The following MAP2K6 variants were observed in gnomAD, a reference collection of about 807,000 sequenced individuals.
The protein encoded by MAP2K6 is mitogen-activated protein kinase kinase 6.
MAP2K6 carries 16 observed loss-of-function variants against 53.7 expected under a neutral mutation model. The observed-to-expected ratio is 0.30, with a 90% CI of 0.20 to 0.45. The LOEUF (loss-of-function observed/expected upper bound fraction) is 0.45. MAP2K6 is among the 20% of genes least tolerant of loss of function. MAP2K6 has a pLI of 1.00. For synonymous variants in MAP2K6, 132 were observed against 143.1 expected, an observed-to-expected ratio of 0.92 and a Z score of 0.55; for missense variants, 204 against 411.9, an observed-to-expected ratio of 0.50 and a Z score of 4.37.
intron 11 of MAP2K6, among the ~76,000 whole-genome samples, chr17:69,540,031 C>G (rs1280144467): frequency 1.3e-5 from 2 of 152,152 alleles, no homozygotes; most frequent in Non-Finnish European, 1.5e-5. Context: ...GAGAAAATCT[C>G]TTTTCCATTT....
chr17:69,484,155 T>C (rs576869575), intron 1 of MAP2K6, among the ~76,000 whole-genome samples: 1 of 152,110 alleles, frequency 6.6e-6, no homozygotes, highest in South Asian at 2.1e-4. Context: ...AAAAGGCAAT[T>C]GACAGAATGG....
chr17:69,511,151 T>C (rs1302738872), intron 2 of MAP2K6, among the ~76,000 whole-genome samples: 1 of 152,142 alleles, frequency 6.6e-6, no homozygotes, highest in African/African-American at 2.4e-5. Flanking sequence ...ATAAAAGCAG[T>C]TTATATTTTC....
At chr17:69,507,428 AC>A (rs1485944101) in intron 2 of MAP2K6, among the ~76,000 whole-genome samples, 2 of 152,140 alleles carry the variant, frequency 1.3e-5, no homozygotes, top group African/African-American at 4.8e-5. Flanking sequence ...AAGATACTTC[AC>A]TACAGCAACA....
rs1912019145 is a variant in MAP2K6 at position 69,549,687 on chromosome 17, C to T, written c.*7934C>T. 1 of 152,104 alleles carries T rather than the reference C, an allele frequency of 6.6e-6. No homozygotes were observed. The highest frequency in any genetic ancestry group is 1.5e-5 in the Non-Finnish European group (1 of 68,006). 9.4% of individuals were successfully genotyped at this position (152,104 alleles called of 1,614,324 possible). ...CATGCGACCTTATAATAAGAACTTCCTTTAAAGATGAGCAGCAAGGTTGGG... is the reference window on the plus strand; with the variant it reads ...CATGCGACCTTATAATAAGAACTTCTTTTAAAGATGAGCAGCAAGGTTGGG... On this transcript the variant is annotated 3_prime_UTR_variant, in exon 12 of 12. Coordinates refer to ENST00000590474, the MANE Select transcript of MAP2K6 (RefSeq NM_002758.4).
intron 1 of MAP2K6, chr17:69,505,569 C>G (rs1909423199): frequency 2.1e-6 from 1 of 466,934 alleles, no homozygotes; most frequent in Admixed American, 3.5e-5. Flanking sequence ...TGAAAAACCT[C>G]ATTCATGACC....
rs1320146933 is a variant in MAP2K6 at position 69,423,621 on chromosome 17, GCCCA to G, written c.16+8623_16+8626del. 2.0e-5 allele frequency among the ~76,000 whole-genome samples: 3 copies of G among 152,166 alleles called. No homozygotes were observed. In the East Asian group the frequency reaches 5.8e-4, roughly 29 times the overall value. Reference sequence around the variant, plus strand: ...CTCAGCCAGAGACCTCTTGGGCCCAGCCCACAGGAAACGTCTGAGTGGTGTCTCT... The same window carrying G: ...CTCAGCCAGAGACCTCTTGGGCCCAGCAGGAAACGTCTGAGTGGTGTCTCT... On this transcript the variant is annotated intron_variant, in intron 1 of 11. Coordinates refer to ENST00000590474, the MANE Select transcript of MAP2K6 (RefSeq NM_002758.4).
At position 69,508,643 on chromosome 17, in the gene MAP2K6, G is replaced by A. The variant is rs183096904; in HGVS notation, c.83+2797G>A. On this transcript the variant is annotated intron_variant, in intron 2 of 11. Transcript: ENST00000590474. ...AGGGTCTTTCACAGAGCAAAAGTTTGTTCAACTTATCAATTATTACTTTTA... is the reference window on the plus strand; with the variant it reads ...AGGGTCTTTCACAGAGCAAAAGTTTATTCAACTTATCAATTATTACTTTTA... Among the ~76,000 whole-genome samples, 305 of 152,298 alleles carry A rather than the reference G, an allele frequency of 2.0e-3. 1 individual carries two copies. Among genetic ancestry groups the A allele is most frequent in the African/African-American group, 7.1e-3 (295 of 41,562 alleles).
intron 9 of MAP2K6, among the ~76,000 whole-genome samples, chr17:69,525,481 T>A (rs1014046860): frequency 1.3e-5 from 2 of 152,160 alleles, no homozygotes; most frequent in Admixed American, 6.5e-5. Flanking sequence ...ACACTGCTGA[T>A]AAAAGCATCC....
At chr17:69,456,616 G>A (rs75939704) in intron 1 of MAP2K6, among the ~76,000 whole-genome samples, 2,518 of 152,162 alleles carry the variant, frequency 0.017, 37 homozygotes, top group Middle Eastern at 0.044. Context: ...TTTCTCAGTG[G>A]GGTCTAGGCA....
rs367834070 is a variant in MAP2K6 at position 69,518,672 on chromosome 17, T to G, written c.247-641T>G. 2.6e-5 allele frequency among the ~76,000 whole-genome samples: 4 copies of G among 152,222 alleles called. No individual in the cohort carries two copies. The East Asian group carries it at 5.8e-4, about 22-fold the overall frequency. The stretch of plus-strand genomic sequence containing the variant: ...AATGGGAATACTTTTATCTTGTAGA[T>G]TTTTCAGTCTGTTCTTCTGCTGACT... On this transcript the variant is annotated intron_variant, in intron 4 of 11. Transcript: ENST00000590474.
chr17:69,449,531 G>GTCTTTCTTTCTTTCTTTCTT (rs1229807133), intron 1 of MAP2K6, among the ~76,000 whole-genome samples: 4 of 103,382 alleles, frequency 3.9e-5, no homozygotes, highest in African/African-American at 1.9e-4. Flanking sequence ...TTCTTTCTTT[G>GTCTTTCTTTCTTTCTTTCTT]TCTTTCTTTC....
intron 1 of MAP2K6, among the ~76,000 whole-genome samples, chr17:69,416,608 ATATG>A (rs1245934473): frequency 2.6e-5 from 4 of 152,176 alleles, no homozygotes; most frequent in African/African-American, 9.6e-5. Context: ...ATATGCATGT[ATATG>A]TATGTATTGT....
intron 1 of MAP2K6, among the ~76,000 whole-genome samples, chr17:69,453,523 T>C (rs771387063): frequency 1.3e-5 from 2 of 152,206 alleles, no homozygotes; most frequent in African/African-American, 2.4e-5. Context: ...GTCAAACACA[T>C]TCATTTTCTT....
chr17:69,469,169 A>G (rs1197043006), intron 1 of MAP2K6, among the ~76,000 whole-genome samples: 3 of 152,166 alleles, frequency 2.0e-5, no homozygotes, highest in East Asian at 1.9e-4. Context: ...GGCCACATGC[A>G]TTCCTTGAGT....
chr17:69,506,405 C>G (rs200940827), intron 2 of MAP2K6, among the ~76,000 whole-genome samples: 130 of 79,178 alleles, frequency 1.6e-3, no homozygotes, highest in South Asian at 3.3e-3. Flanking sequence ...ATGTCTCCTT[C>G]TTGTTTTTTT....
intron 11 of MAP2K6, 112 bp from the exon 12 acceptor site, chr17:69,541,564 G>C: frequency 1.4e-6 from 1 of 716,926 alleles, no homozygotes; most frequent in Non-Finnish European, 2.3e-6. Flanking sequence ...GCCCAGCCTA[G>C]CTCTGATAGG....
rs1911799664 is a variant in MAP2K6, at chr17:69,544,488, C to T, written c.*2735C>T. The T allele has an allele frequency of 6.6e-6, 1 of 152,138 alleles. No homozygotes were observed. Among genetic ancestry groups the T allele is most frequent in the African/African-American group, 2.4e-5 (1 of 41,438 alleles). 9.4% of individuals were successfully genotyped at this position (152,138 alleles called of 1,614,324 possible). A position where few individuals can be genotyped will look rare whatever the true frequency, so the allele number is the denominator to read the frequency against. On this transcript the variant is annotated 3_prime_UTR_variant, in exon 12 of 12. Coordinates refer to ENST00000590474, the MANE Select transcript of MAP2K6 (RefSeq NM_002758.4). ...CATATAGACTTATATATAAAGACAT[C>T]TGTGTTCACGGATGACCCTCAAAAT...
At chr17:69,529,468 TTTAAAATGAACATC>T (rs1285773497) in intron 10 of MAP2K6, among the ~76,000 whole-genome samples, 1 of 152,090 alleles carries the variant, frequency 6.6e-6, no homozygotes, top group East Asian at 1.9e-4. Flanking sequence ...TTAGAGATAT[TTTAAAATGAACATC>T]TTGAGAAATA....
At chr17:69,511,544 C>A (rs570951526) in intron 2 of MAP2K6, among the ~76,000 whole-genome samples, 1 of 152,144 alleles carries the variant, frequency 6.6e-6, no homozygotes, top group Non-Finnish European at 1.5e-5. Flanking sequence ...TGATAGTGAC[C>A]AATTCTAAAT....
Sources: allele counts gnomAD v4.1 joint callset (sites outside exome capture counted in the v4.1 genomes callset), GRCh38; gene constraint gnomAD v4.1.1; transcripts MANE v1.5; gene names NCBI Gene and HGNC (gene_info 2026-07-23, HGNC 2026-07-21).